BLTP3B: variants seen among roughly 807,000 people sequenced by gnomAD.
BLTP3B encodes the protein UHRF1 (ICBP90) binding protein 1-like.
At chr12:100,086,831 T>C in the BLTP3B span, among the ~76,000 whole-genome samples, 1 of 152,184 alleles carries the variant, frequency 6.6e-6, no homozygotes, top group Non-Finnish European at 1.5e-5. Flanking sequence ...CCAGGAAATC[T>C]TGAACACTAC....
the BLTP3B span, among the ~76,000 whole-genome samples, chr12:100,117,561 C>G: frequency 6.6e-6 from 1 of 152,088 alleles, no homozygotes; most frequent in Non-Finnish European, 1.5e-5. Flanking sequence ...CTCCTGGGCT[C>G]AAGTGATCCT....
At chr12:100,127,850 T>C in the BLTP3B span, among the ~76,000 whole-genome samples, 1 of 151,914 alleles carries the variant, frequency 6.6e-6, no homozygotes, top group East Asian at 1.9e-4. Context: ...TTCATCTCTA[T>C]AAAAATTTAA....
chr12:100,089,238 T>C, the BLTP3B span: 7 of 740,016 alleles, frequency 9.5e-6, no homozygotes, highest in Non-Finnish European at 1.4e-5. Flanking sequence ...TTCCCTAAAA[T>C]ATTTTCTGAA....
chr12:100,048,451 G>A, the BLTP3B span, among the ~76,000 whole-genome samples: 10,006 of 151,914 alleles, frequency 0.066, 845 homozygotes, highest in African/African-American at 0.2. Flanking sequence ...TAGAACTAAG[G>A]TGTGATACAT....
At chr12:100,061,130 A>G in the BLTP3B span, among the ~76,000 whole-genome samples, 279 of 152,290 alleles carry the variant, frequency 1.8e-3, 1 homozygote, top group Middle Eastern at 3.4e-3. Context: ...GAGACATGCA[A>G]TTGTGAAGTG....
At chr12:100,048,775 T>TGTGTGA in the BLTP3B span, among the ~76,000 whole-genome samples, 3 of 89,004 alleles carry the variant, frequency 3.4e-5, no homozygotes, top group Non-Finnish European at 6.4e-5. Flanking sequence ...AGAGTGAGTG[T>TGTGTGA]GTGTGTGTGT....
At chr12:100,059,114 T>C in the BLTP3B span, 1 of 1,614,152 alleles carries the variant, frequency 6.2e-7, no homozygotes, top group Non-Finnish European at 8.5e-7. Context: ...AAAGAGGGAA[T>C]GAGTCTACAA....
the BLTP3B span, chr12:100,092,918 A>G: frequency 1.0e-6 from 1 of 985,134 alleles, no homozygotes; most frequent in Non-Finnish European, 1.2e-6. Flanking sequence ...CCTCCCTTAA[A>G]TCTACTTCCT....
the BLTP3B span, among the ~76,000 whole-genome samples, chr12:100,113,362 C>G: frequency 6.6e-6 from 1 of 151,762 alleles, no homozygotes. Context: ...ACTCTGGAGG[C>G]TGAGACAGGA....
chr12:100,047,397 T>A, the BLTP3B span: 1 of 591,934 alleles, frequency 1.7e-6, no homozygotes, highest in South Asian at 2.0e-5. Flanking sequence ...ACTCGGGAGG[T>A]TTAGGTAGGA....
the BLTP3B span, among the ~76,000 whole-genome samples, chr12:100,075,000 G>T: frequency 6.6e-6 from 1 of 151,044 alleles, no homozygotes; most frequent in Non-Finnish European, 1.5e-5. Context: ...AATGAAACTG[G>T]ACCCCTACAC....
the BLTP3B span, chr12:100,102,902 C>A: frequency 2.7e-6 from 3 of 1,122,630 alleles, no homozygotes; most frequent in Non-Finnish European, 2.5e-6. Flanking sequence ...ATTTATTCTA[C>A]GTATATTATT....
the BLTP3B span, among the ~76,000 whole-genome samples, chr12:100,065,978 C>A: frequency 1.3e-5 from 2 of 152,078 alleles, no homozygotes; most frequent in Non-Finnish European, 2.9e-5. Flanking sequence ...GTGATGTCAC[C>A]CCCTGGCGGC....
chr12:100,052,208 A>G, the BLTP3B span, among the ~76,000 whole-genome samples: 1 of 151,850 alleles, frequency 6.6e-6, no homozygotes, highest in Admixed American at 6.6e-5. Context: ...ACGCCTGGCT[A>G]ATTTTTGTAT....
At chr12:100,074,370 G>C in the BLTP3B span, among the ~76,000 whole-genome samples, 2 of 152,108 alleles carry the variant, frequency 1.3e-5, no homozygotes, top group Middle Eastern at 3.4e-3. Flanking sequence ...AGGCTGAGGC[G>C]GGCAGATCAT....
At chr12:100,130,425 CTA>C in the BLTP3B span, among the ~76,000 whole-genome samples, 4 of 152,144 alleles carry the variant, frequency 2.6e-5, no homozygotes, top group African/African-American at 7.2e-5. Flanking sequence ...GAAGACATTC[CTA>C]TATCTTAATT....
chr12:100,072,902 C>T, the BLTP3B span: 4 of 1,375,616 alleles, frequency 2.9e-6, no homozygotes, highest in African/African-American at 6.1e-5. Flanking sequence ...TTTAAAACTA[C>T]TTACAAAACT....
the BLTP3B span, chr12:100,057,588 T>C: frequency 5.6e-6 from 9 of 1,607,434 alleles, no homozygotes; most frequent in South Asian, 7.8e-5. Context: ...CAAAAACATA[T>C]GGCTATCACT....
chr12:100,125,334 T>TC, the BLTP3B span, among the ~76,000 whole-genome samples: 1 of 71,358 alleles, frequency 1.4e-5, no homozygotes, highest in African/African-American at 1.1e-4. Context: ...GGTTTCCATC[T>TC]CAAAAAAAAA....
Sources: gnomAD v4.1 joint callset for allele counts (sites outside exome capture counted in the v4.1 genomes callset) on GRCh38, gnomAD v4.1.1 for gene constraint, MANE v1.5 for transcripts, NCBI Gene and HGNC (gene_info 2026-07-23, HGNC 2026-07-21) for gene names.